ZNF385D: variants seen among roughly 807,000 people sequenced by gnomAD.
ZNF385D encodes zinc finger protein 659.
In ZNF385D, 15 loss-of-function variants were observed where a neutral mutation model predicts 35.8. The ratio of observed to expected loss-of-function variants is 0.42; its 90% CI spans 0.28 to 0.64. ZNF385D has a LOEUF of 0.64. Among genes scored for constraint, ZNF385D ranks in the 30% least tolerant of loss-of-function variants. The pLI is 0.23. For missense variants in ZNF385D, 474 were observed against 494.6 expected (o/e 0.96, Z 0.39); for synonymous variants, 212 against 186.8 (o/e 1.13, Z -1.10).
intron 3 of ZNF385D, among the ~76,000 whole-genome samples, chr3:21,775,625 C>T (rs564103923): frequency 2.4e-4 from 36 of 151,876 alleles, no homozygotes; most frequent in Non-Finnish European, 4.4e-4. Flanking sequence ...ATGATGATTT[C>T]GGTTATTTGT....
At chr3:21,788,619 T>C (rs552374176) in intron 3 of ZNF385D, among the ~76,000 whole-genome samples, 1 of 152,358 alleles carries the variant, frequency 6.6e-6, no homozygotes, top group African/African-American at 2.4e-5. Context: ...GAAAAACAAC[T>C]TTCAAATTTT....
chr3:21,446,818 C>T (rs975087308), intron 4 of ZNF385D, among the ~76,000 whole-genome samples: 21 of 151,872 alleles, frequency 1.4e-4, no homozygotes, highest in Admixed American at 2.6e-4. Context: ...TTGAGAGATG[C>T]ACTTTTTGAT....
At chr3:22,216,345 C>T (rs1167792889) in intron 2 of ZNF385D, among the ~76,000 whole-genome samples, 1 of 152,030 alleles carries the variant, frequency 6.6e-6, no homozygotes, top group African/African-American at 2.4e-5. Context: ...GTTAACAATA[C>T]TACCATTATG....
At chr3:22,295,345 C>T (rs780558770) in intron 2 of ZNF385D, among the ~76,000 whole-genome samples, 17 of 152,100 alleles carry the variant, frequency 1.1e-4, no homozygotes, top group Non-Finnish European at 1.8e-4. Context: ...ATAGGCTATA[C>T]AGCTCTCACA....
intron 4 of ZNF385D, among the ~76,000 whole-genome samples, chr3:21,495,633 AGAGAAACTG>A (rs1249653257): frequency 5.9e-5 from 9 of 152,300 alleles, no homozygotes; most frequent in Admixed American, 5.9e-4. Flanking sequence ...CATCACAATT[AGAGAAACTG>A]GAGAAACAAG....
At chr3:21,644,828 A>T (rs2065705771) in intron 2 of ZNF385D, among the ~76,000 whole-genome samples, 1 of 152,208 alleles carries the variant, frequency 6.6e-6, no homozygotes. Context: ...AACAAGCCAC[A>T]TTATTGTGTA....
At chr3:22,021,190 G>C (rs1697204117) in intron 3 of ZNF385D, among the ~76,000 whole-genome samples, 3 of 151,760 alleles carry the variant, frequency 2.0e-5, no homozygotes, top group Admixed American at 2.0e-4. Flanking sequence ...TAAAAGCCCT[G>C]ACTTGCCACT....
At chr3:21,946,717 A>T (rs1382451321) in intron 3 of ZNF385D, among the ~76,000 whole-genome samples, 1 of 152,170 alleles carries the variant, frequency 6.6e-6, no homozygotes, top group East Asian at 1.9e-4. Context: ...CTGTAATGCC[A>T]GCTACTAGGG....
At chr3:22,198,041 T>C (rs1175547254) in intron 2 of ZNF385D, among the ~76,000 whole-genome samples, 1 of 152,098 alleles carries the variant, frequency 6.6e-6, no homozygotes, top group East Asian at 1.9e-4. Flanking sequence ...TCAACACATA[T>C]GTATTCATTA....
intron 3 of ZNF385D, among the ~76,000 whole-genome samples, chr3:21,766,294 T>G (rs1465467319): frequency 2.0e-5 from 3 of 152,134 alleles, no homozygotes; most frequent in Non-Finnish European, 2.9e-5. Context: ...AGTGTATGTT[T>G]TGATGGTCAA....
At chr3:21,695,071 TA>T (rs767976266) in intron 1 of ZNF385D, among the ~76,000 whole-genome samples, 14 of 152,130 alleles carry the variant, frequency 9.2e-5, no homozygotes, top group Non-Finnish European at 1.9e-4. Context: ...AGATGAGATA[TA>T]AGGTATGTGA....
intron 3 of ZNF385D, among the ~76,000 whole-genome samples, chr3:22,162,925 AG>A (rs781353169): frequency 3.3e-5 from 5 of 152,140 alleles, no homozygotes; most frequent in Non-Finnish European, 5.9e-5. Flanking sequence ...TTTGTGTGCA[AG>A]TAGTGGGCTG....
chr3:21,806,780 G>A (rs529877342), intron 3 of ZNF385D, among the ~76,000 whole-genome samples: 3 of 152,250 alleles, frequency 2.0e-5, no homozygotes, highest in Non-Finnish European at 4.4e-5. Context: ...TGTGGCTCCC[G>A]CTAAGAATAC....
At chr3:22,322,543 C>A (rs528374794) in intron 2 of ZNF385D, among the ~76,000 whole-genome samples, 2 of 152,270 alleles carry the variant, frequency 1.3e-5, no homozygotes, top group East Asian at 1.9e-4. Flanking sequence ...CTATCCCAAT[C>A]TTTTCTCACC....
At chr3:21,621,877 G>A (rs1328708813) in intron 2 of ZNF385D, among the ~76,000 whole-genome samples, 1 of 151,790 alleles carries the variant, frequency 6.6e-6, no homozygotes, top group Non-Finnish European at 1.5e-5. Flanking sequence ...GTGTGTGTGT[G>A]TGTGTGTGTG....
intron 2 of ZNF385D, among the ~76,000 whole-genome samples, chr3:21,566,556 G>C (rs1229712546): frequency 6.6e-6 from 1 of 152,136 alleles, no homozygotes; most frequent in Non-Finnish European, 1.5e-5. Flanking sequence ...CTTGAACCCA[G>C]ATTGCAGTGA....
intron 3 of ZNF385D, among the ~76,000 whole-genome samples, chr3:22,134,166 T>C (rs1703966800): frequency 1.3e-5 from 2 of 152,020 alleles, no homozygotes; most frequent in African/African-American, 2.4e-5. Context: ...AACAACTATA[T>C]ATTATCAATG....
intron 3 of ZNF385D, chr3:21,777,570 A>G (rs1004819219): frequency 2.6e-5 from 4 of 151,964 alleles, no homozygotes; most frequent in African/African-American, 9.7e-5. Context: ...TATGAACTTC[A>G]TACTTAAATT....
At chr3:21,813,893 A>G (rs551736336) in intron 3 of ZNF385D, among the ~76,000 whole-genome samples, 1 of 152,162 alleles carries the variant, frequency 6.6e-6, no homozygotes, top group Non-Finnish European at 1.5e-5. Flanking sequence ...TCCAAGACAC[A>G]TAATTGTCAG....
Sources: allele counts gnomAD v4.1 joint callset (sites outside exome capture counted in the v4.1 genomes callset), GRCh38; gene constraint gnomAD v4.1.1; transcripts MANE v1.5; gene names NCBI Gene and HGNC (gene_info 2026-07-23, HGNC 2026-07-21).